Variants in LRRC37A2 observed in about 807,000 individuals in gnomAD.
LRRC37A2 encodes leucine-rich repeat-containing protein 37A2.
A neutral mutation model predicts 68.8 loss-of-function variants in LRRC37A2; 9 were observed. The ratio of observed to expected loss-of-function variants is 0.13; its 90% confidence interval spans 0.08 to 0.23. The LOEUF (loss-of-function observed/expected upper bound fraction) is 0.23. Among genes scored for constraint, LRRC37A2 ranks in the 10% least tolerant of loss-of-function variants. The pLI is 1.00. For missense variants in LRRC37A2, 168 were observed against 950.4 expected (o/e 0.18, Z 10.82); for synonymous variants, 63 against 367.6 (o/e 0.17, Z 9.48).
At chr17:46,912,392 C>T in the LRRC37A2 span, among the ~76,000 whole-genome samples, 3 of 152,226 alleles carry the variant, frequency 2.0e-5, no homozygotes, top group African/African-American at 4.8e-5. Context: ...TCCAGCTCCC[C>T]GATGACCTGG....
At chr17:47,041,114 T>G in the LRRC37A2 span, among the ~76,000 whole-genome samples, 1 of 550 alleles carries the variant, frequency 1.8e-3, no homozygotes, top group African/African-American at 9.1e-3. Context: ...ACCTTTCAAA[T>G]GAGGTCTTCC....
At chr17:46,497,335 ATTTG>A in the LRRC37A2 span, among the ~76,000 whole-genome samples, 19,639 of 147,398 alleles carry the variant, frequency 0.13, 11 homozygotes, top group Middle Eastern at 0.2. Context: ...CCTTTTTATT[ATTTG>A]TTTTCTGGTT....
the LRRC37A2 span, among the ~76,000 whole-genome samples, chr17:46,834,868 G>A: frequency 1.3e-5 from 2 of 152,176 alleles, no homozygotes; most frequent in Admixed American, 1.3e-4. Context: ...GTCTCTGGAG[G>A]CCCACCTTAC....
At chr17:47,033,437 T>C in the LRRC37A2 span, 27 of 690,336 alleles carry the variant, frequency 3.9e-5, no homozygotes, top group Middle Eastern at 3.7e-4. Flanking sequence ...ATCGCGCATA[T>C]TGGGTGAGGG....
the LRRC37A2 span, among the ~76,000 whole-genome samples, chr17:46,799,479 A>C: frequency 2.2e-5 from 3 of 136,374 alleles, no homozygotes; most frequent in South Asian, 2.3e-4. Flanking sequence ...ATGGAGTCTC[A>C]CTCTGTTGCC....
At chr17:46,882,231 G>A in the LRRC37A2 span, among the ~76,000 whole-genome samples, 2 of 152,276 alleles carry the variant, frequency 1.3e-5, no homozygotes, top group Admixed American at 6.5e-5. Flanking sequence ...GGCATTGCAC[G>A]TTGTTTTCAT....
At chr17:46,927,575 T>C in the LRRC37A2 span, among the ~76,000 whole-genome samples, 2 of 152,256 alleles carry the variant, frequency 1.3e-5, no homozygotes, top group African/African-American at 4.8e-5. Context: ...ATGTGTTACC[T>C]GAGGTGGCCT....
chr17:47,040,194 G>A, the LRRC37A2 span, among the ~76,000 whole-genome samples: 1 of 150,092 alleles, frequency 6.7e-6, no homozygotes, highest in Non-Finnish European at 1.5e-5. Flanking sequence ...TATAATCCCA[G>A]CACTTTGGGA....
At chr17:47,032,597 C>T in the LRRC37A2 span, among the ~76,000 whole-genome samples, 3 of 151,830 alleles carry the variant, frequency 2.0e-5, no homozygotes, top group Non-Finnish European at 4.4e-5. Flanking sequence ...TCCCACGCTT[C>T]TGGAGCTCCT....
chr17:46,898,185 C>A, the LRRC37A2 span, among the ~76,000 whole-genome samples: 2 of 152,138 alleles, frequency 1.3e-5, no homozygotes, highest in African/African-American at 4.8e-5. Flanking sequence ...TAGGCACTAC[C>A]GTGACCTTGC....
At chr17:46,769,597 CAAG>C in the LRRC37A2 span, among the ~76,000 whole-genome samples, 2 of 151,996 alleles carry the variant, frequency 1.3e-5, no homozygotes, top group Non-Finnish European at 2.9e-5. Context: ...AGGAACTGCC[CAAG>C]GAGGAAGGAG....
chr17:46,930,905 A>G, the LRRC37A2 span: 5 of 603,076 alleles, frequency 8.3e-6, no homozygotes, highest in Non-Finnish European at 1.5e-5. Flanking sequence ...AGCTATATAC[A>G]TGTACTTTTT....
the LRRC37A2 span, among the ~76,000 whole-genome samples, chr17:46,905,625 C>T: frequency 3.9e-5 from 6 of 152,194 alleles, no homozygotes; most frequent in Non-Finnish European, 5.9e-5. Flanking sequence ...TGACCCATGA[C>T]CTTGACCTTT....
chr17:46,845,154 C>T, the LRRC37A2 span, among the ~76,000 whole-genome samples: 1 of 152,152 alleles, frequency 6.6e-6, no homozygotes, highest in Non-Finnish European at 1.5e-5. Context: ...TGGTCTCCTT[C>T]CTCCTTCTTT....
the LRRC37A2 span, chr17:46,929,577 T>C: frequency 6.7e-7 from 1 of 1,486,370 alleles, no homozygotes; most frequent in Non-Finnish European, 9.4e-7. Context: ...ACAAGCAGTC[T>C]GTGCACAGTG....
the LRRC37A2 span, among the ~76,000 whole-genome samples, chr17:46,842,094 C>T: frequency 6.6e-6 from 1 of 152,248 alleles, no homozygotes; most frequent in Non-Finnish European, 1.5e-5. Flanking sequence ...TCCTCTCCCA[C>T]CACTTGCCTT....
At chr17:46,877,066 T>A in the LRRC37A2 span, 1 of 1,095,026 alleles carries the variant, frequency 9.1e-7, no homozygotes, top group Admixed American at 4.8e-5. Flanking sequence ...CCATCTTGCT[T>A]CCTGGGATGA....
chr17:46,691,636 AGATTTAATG>A, the LRRC37A2 span, among the ~76,000 whole-genome samples: 3 of 151,868 alleles, frequency 2.0e-5, no homozygotes, highest in East Asian at 1.9e-4. Context: ...TCCTTATCGG[AGATTTAATG>A]GATACTAACC....
chr17:46,966,485 C>G, the LRRC37A2 span: 1 of 664,986 alleles, frequency 1.5e-6, no homozygotes, highest in Non-Finnish European at 2.7e-6. Context: ...GTAGTTGGAA[C>G]TACAGGTGCA....
Sources: gnomAD v4.1 joint callset for allele counts (sites outside exome capture counted in the v4.1 genomes callset) on GRCh38, gnomAD v4.1.1 for gene constraint, MANE v1.5 for transcripts, NCBI Gene and HGNC (gene_info 2026-07-23, HGNC 2026-07-21) for gene names.